The following BNC2 variants were observed in gnomAD, a reference collection of about 807,000 sequenced individuals.
BNC2 encodes basonuclin zinc finger protein 2, also known as zinc finger protein basonuclin-2.
A neutral mutation model predicts 76.3 loss-of-function variants in BNC2; 20 were observed. The ratio of observed to expected loss-of-function variants is 0.26; its 90% CI spans 0.18 to 0.38. BNC2 has a LOEUF of 0.38. BNC2 is among the 10% of genes least tolerant of loss of function. The pLI is 1.00. For synonymous variants in BNC2, 582 were observed against 514.8 expected, an observed-to-expected ratio of 1.13 and a Z score of -1.77; for missense variants, 1,382 against 1,399.8, an observed-to-expected ratio of 0.99 and a Z score of 0.20.
chr9:16,576,666 G>A (rs955170504), intron 4 of BNC2, among the ~76,000 whole-genome samples: 3 of 152,124 alleles, frequency 2.0e-5, no homozygotes, highest in Non-Finnish European at 2.9e-5. Flanking sequence ...TGCCTCCAAC[G>A]AACTTGAGGA....
At chr9:16,699,167 G>C in intron 3 of BNC2, 1 of 469,188 alleles carries the variant, frequency 2.1e-6, no homozygotes, top group Non-Finnish European at 4.4e-6. Flanking sequence ...AAAACAGAAA[G>C]GCTATAAGGC....
intron 1 of BNC2, among the ~76,000 whole-genome samples, chr9:16,759,177 A>G (rs540190235): frequency 6.6e-6 from 1 of 152,322 alleles, no homozygotes; most frequent in Admixed American, 6.5e-5. Context: ...CACTTCTATA[A>G]TAAGAAAGAT....
At chr9:16,792,104 C>CAAA (rs35590121) in intron 1 of BNC2, among the ~76,000 whole-genome samples, 2 of 127,200 alleles carry the variant, frequency 1.6e-5, no homozygotes, top group Admixed American at 8.2e-5. Context: ...CTTGACCCTC[C>CAAA]AAAAAAAAAA....
At chr9:16,818,753 C>G (rs926203211) in intron 1 of BNC2, among the ~76,000 whole-genome samples, 2 of 152,084 alleles carry the variant, frequency 1.3e-5, no homozygotes, top group African/African-American at 4.8e-5. Context: ...TCTCAAACTC[C>G]TGGAATCAAG....
chr9:16,510,516 G>C (rs1822729146), intron 5 of BNC2, among the ~76,000 whole-genome samples: 1 of 152,114 alleles, frequency 6.6e-6, no homozygotes, highest in Non-Finnish European at 1.5e-5. Flanking sequence ...TACAAAGTCA[G>C]GGAAATTCAC....
In BNC2 at chr9:16,511,658, A is replaced by G. The variant is rs1822759470; in HGVS notation, c.669+40872T>C. 3.9e-5 allele frequency among the ~76,000 whole-genome samples: 6 copies of G among 152,044 alleles called. No individual in the cohort carries two copies. The South Asian group carries it at 1.2e-3, about 32-fold the overall frequency. On this transcript the variant is annotated intron_variant, in intron 5 of 6. Coordinates refer to ENST00000380672, the MANE Select transcript of BNC2 (RefSeq NM_017637.6). The stretch of plus-strand genomic sequence containing the variant: ...TGCCCAGGCAGGTCTTGAACTTCTG[A>G]GCTCAAGGAATCCATGGGCCTCAGC...
chr9:16,848,792 C>T (rs1339552), intron 1 of BNC2, among the ~76,000 whole-genome samples: 79,211 of 151,978 alleles, frequency 0.52, 21,939 homozygotes, highest in South Asian at 0.79. Context: ...TCTAAAATCC[C>T]ACACTTTTTG....
intron 4 of BNC2, among the ~76,000 whole-genome samples, chr9:16,557,280 C>T (rs983187776): frequency 6.6e-6 from 1 of 152,036 alleles, no homozygotes; most frequent in Admixed American, 6.6e-5. Flanking sequence ...GGGCGAATAA[C>T]CCGAGGTCAG....
chr9:16,440,547 T>A (rs999211983), intron 5 of BNC2, among the ~76,000 whole-genome samples: 68 of 152,190 alleles, frequency 4.5e-4, no homozygotes, highest in Non-Finnish European at 1.8e-4. Flanking sequence ...AATCTACATG[T>A]CAGTGATATA....
chr9:16,506,090 T>C (rs1822616592), intron 5 of BNC2, among the ~76,000 whole-genome samples: 1 of 152,180 alleles, frequency 6.6e-6, no homozygotes. Flanking sequence ...CCATGAAAGC[T>C]TTTAAAAATC....
At chr9:16,521,749 T>A (rs920319226) in intron 5 of BNC2, among the ~76,000 whole-genome samples, 2 of 152,222 alleles carry the variant, frequency 1.3e-5, no homozygotes, top group African/African-American at 4.8e-5. Context: ...CTCCATATCA[T>A]GTTAAATTGG....
intron 3 of BNC2, among the ~76,000 whole-genome samples, chr9:16,711,169 C>G (rs572034759): frequency 3.3e-5 from 5 of 152,192 alleles, no homozygotes; most frequent in African/African-American, 7.2e-5. Context: ...GAAAGAGAAA[C>G]GCAAGAGCAA....
rs768028981 is a variant in BNC2, at chr9:16,808,479, C to CTTTTT, written c.3+62162_3+62166dup. 2.9e-3 allele frequency among the ~76,000 whole-genome samples: 227 copies of CTTTTT among 78,718 alleles called. 20 individuals are homozygous for CTTTTT. The highest frequency in any genetic ancestry group is 4.4e-3 in the Non-Finnish European group (198 of 45,218). 51.6% of individuals were successfully genotyped at this position (78,718 alleles called of 152,430 possible). On this transcript the variant is annotated intron_variant, in intron 1 of 6. Coordinates refer to ENST00000380672, the MANE Select transcript of BNC2 (RefSeq NM_017637.6). ...ATCCTAGTTGTGTGATCTTGGGCAA[C>CTTTTT]TTTTTTTTTTTTTTTTTTTTTTTTT...
At chr9:16,490,615 C>T (rs1048690068) in intron 5 of BNC2, among the ~76,000 whole-genome samples, 2 of 152,096 alleles carry the variant, frequency 1.3e-5, no homozygotes, top group Non-Finnish European at 1.5e-5. Flanking sequence ...CATCTGTTTT[C>T]CATTAGACTG....
chr9:16,711,106 T>G lies in BNC2; in HGVS notation c.330+16691A>C, dbSNP rs554010019. Among the ~76,000 whole-genome samples the G allele has an allele frequency of 3.3e-5, 5 of 151,586 alleles. No individual in the cohort carries two copies. In the East Asian group the frequency reaches 5.8e-4, roughly 18 times the overall value. Reference sequence around the variant, plus strand: ...TGAGCAGGGCTTCCTCCTCCTCCCCTCCCCCCAGTCTTTCTCCTATACCAG... The same window carrying G: ...TGAGCAGGGCTTCCTCCTCCTCCCCGCCCCCCAGTCTTTCTCCTATACCAG... On this transcript the variant is annotated intron_variant, in intron 3 of 6. Coordinates refer to ENST00000380672, the MANE Select transcript of BNC2 (RefSeq NM_017637.6).
intron 5 of BNC2, among the ~76,000 whole-genome samples, chr9:16,514,718 T>G (rs1822838328): frequency 1.3e-5 from 2 of 152,224 alleles, no homozygotes; most frequent in South Asian, 4.1e-4. Context: ...TAAGGAGTCT[T>G]AATTTCTATA....
chr9:16,844,010 G>A (rs748564673), intron 1 of BNC2, among the ~76,000 whole-genome samples: 3 of 152,044 alleles, frequency 2.0e-5, no homozygotes, highest in Admixed American at 6.6e-5. Flanking sequence ...GGCCAGACAC[G>A]GTTGCTCACA....
At chr9:16,548,596 G>T (rs1464659747) in intron 5 of BNC2, among the ~76,000 whole-genome samples, 1 of 151,976 alleles carries the variant, frequency 6.6e-6, no homozygotes, top group African/African-American at 2.4e-5. Context: ...GTAGAGACAG[G>T]GTTTCACCAT....
At chr9:16,542,054 A>T (rs1818337613) in intron 5 of BNC2, among the ~76,000 whole-genome samples, 1 of 152,196 alleles carries the variant, frequency 6.6e-6, no homozygotes, top group Admixed American at 6.5e-5. Context: ...TAGAAAATAC[A>T]GTAACCACAT....
Sources: gnomAD v4.1 joint callset for allele counts (sites outside exome capture counted in the v4.1 genomes callset) on GRCh38, gnomAD v4.1.1 for gene constraint, MANE v1.5 for transcripts, NCBI Gene and HGNC (gene_info 2026-07-23, HGNC 2026-07-21) for gene names.